Variants in FBXL20 observed in about 807,000 individuals in gnomAD.
The protein encoded by FBXL20 is F-box and leucine rich repeat protein 20.
In FBXL20, 11 loss-of-function variants were observed where a neutral mutation model predicts 64.0. The observed-to-expected ratio is 0.17, with a 90% CI of 0.11 to 0.28. The LOEUF (loss-of-function observed/expected upper bound fraction) is 0.28. Ranked by LOEUF, FBXL20 falls within the 10% of genes least tolerant of loss-of-function variation. The probability of loss-of-function intolerance (pLI) is 1.00; values close to 1 mark genes in which losing one functional copy is unlikely to be tolerated. For missense variants in FBXL20, 303 were observed against 526.2 expected, an observed-to-expected ratio of 0.58 and a Z score of 4.15; for synonymous variants, 184 against 189.0, an observed-to-expected ratio of 0.97 and a Z score of 0.22.
chr17:39,312,785 C>T (rs2047247573), intron 2 of FBXL20, among the ~76,000 whole-genome samples: 1 of 150,008 alleles, frequency 6.7e-6, no homozygotes, highest in Admixed American at 6.7e-5. Flanking sequence ...AATGTGTTAG[C>T]CAGGATGGTC....
At chr17:39,303,544 TGAA>T (rs779923073) in intron 3 of FBXL20, 38 bp downstream of exon 3, 23 of 1,558,916 alleles carry the variant, frequency 1.5e-5, no homozygotes, top group Admixed American at 9.4e-5. Context: ...ATCATCAGTA[TGAA>T]GAAGGGGTCC....
Position 39,348,189 on chromosome 17 carries a change from G to A in FBXL20, c.43-4948C>T, listed in dbSNP as rs148718303. Among the ~76,000 whole-genome samples the A allele has an allele frequency of 5.9e-3, 898 of 151,886 alleles. 6 individuals carry two copies. The highest frequency in any genetic ancestry group is 8.5e-3 in the Admixed American group (130 of 15,252). ...ACAAAAGATGATGTCTCGGCTGAGC[G>A]CGGTGGCTCACGCCTGTAATCCCAG... is the stretch of plus-strand genomic sequence containing the variant. On this transcript the variant is annotated intron_variant, in intron 1 of 14. Transcript: ENST00000264658.
chr17:39,285,160 G>A (rs958888003), intron 7 of FBXL20, among the ~76,000 whole-genome samples: 4 of 151,794 alleles, frequency 2.6e-5, no homozygotes, highest in Admixed American at 1.3e-4. Flanking sequence ...TGCCTCGGCC[G>A]CCCAAAATGC....
At chr17:39,352,957 G>C (rs1358942018) in intron 1 of FBXL20, among the ~76,000 whole-genome samples, 1 of 152,120 alleles carries the variant, frequency 6.6e-6, no homozygotes, top group Non-Finnish European at 1.5e-5. Flanking sequence ...ACACTTTCAG[G>C]AGAGTACTTA....
chr17:39,265,125 G>T, intron 13 of FBXL20, among the ~76,000 whole-genome samples: 1 of 152,176 alleles, frequency 6.6e-6, no homozygotes, highest in East Asian at 1.9e-4. Context: ...ACATCATTCA[G>T]GTTGGAGTAT....
chr17:39,267,010 T>C (rs1372069662), intron 12 of FBXL20, among the ~76,000 whole-genome samples: 2 of 151,904 alleles, frequency 1.3e-5, no homozygotes, highest in East Asian at 1.9e-4. Flanking sequence ...CCCAGCACTT[T>C]GGGAAGCTGA....
At position 39,401,577 on chromosome 17, in the gene FBXL20, C is replaced by T. The variant is rs2048245687; in HGVS notation, c.-175G>A. 2 of 1,402,780 alleles carry T rather than the reference C, an allele frequency of 1.4e-6. No homozygotes were observed. Among genetic ancestry groups the T allele is most frequent in the Non-Finnish European group, 1.8e-6 (2 of 1,086,564 alleles). The allele number at this position is 1,402,780 out of a possible 1,614,324, so 86.9% of individuals were successfully genotyped here. A position where few individuals can be genotyped will look rare whatever the true frequency, so the allele number is the denominator to read the frequency against. Reference sequence around the variant, plus strand: ...CTCCGGCTAGGCCTCCACCACCTCCCGCGGCGCCGGCGGCCGCAACGACTG... The same window carrying T: ...CTCCGGCTAGGCCTCCACCACCTCCTGCGGCGCCGGCGGCCGCAACGACTG... On this transcript the variant is annotated 5_prime_UTR_variant, in exon 1 of 15. Transcript: ENST00000264658.
At chr17:39,401,964 G>C (rs1428949014), upstream of FBXL20, 1 of 450,298 alleles carries the variant, frequency 2.2e-6, no homozygotes, top group African/African-American at 2.0e-5. Context: ...ACCAGCGAGG[G>C]AGAGTAGAGC....
chr17:39,282,202 A>G (rs1340017392), intron 8 of FBXL20, among the ~76,000 whole-genome samples: 1 of 152,200 alleles, frequency 6.6e-6, no homozygotes, highest in Non-Finnish European at 1.5e-5. Flanking sequence ...CTAACTAATC[A>G]ATTCTTTTTT....
In FBXL20 at chr17:39,387,349, G is replaced by A. The variant is rs189227922; in HGVS notation, c.42+14012C>T. On this transcript the variant is annotated intron_variant, in intron 1 of 14. Coordinates refer to ENST00000264658, the MANE Select transcript of FBXL20 (RefSeq NM_032875.3). ...GGCTGGAGTGCAATGGCGCAATCTC[G>A]GCTTGCTGTAACCTCTGTCTCCCGG... Among the ~76,000 whole-genome samples, 436 of 148,744 alleles carry A rather than the reference G, an allele frequency of 2.9e-3. 2 individuals carry two copies. Among genetic ancestry groups the A allele is most frequent in the Middle Eastern group, 3.5e-3 (1 of 284 alleles).
At chr17:39,381,609 G>C (rs1214749022) in intron 1 of FBXL20, among the ~76,000 whole-genome samples, 1 of 152,054 alleles carries the variant, frequency 6.6e-6, no homozygotes, top group Non-Finnish European at 1.5e-5. Context: ...TGACAACATG[G>C]TGAAACCCCG....
chr17:39,390,810 A>T (rs890264348), intron 1 of FBXL20, among the ~76,000 whole-genome samples: 27 of 152,150 alleles, frequency 1.8e-4, no homozygotes, highest in African/African-American at 6.5e-4. Flanking sequence ...GCACTTTTGG[A>T]GGCCAAGGCA....
chr17:39,279,435 G>T (rs1415913014), intron 9 of FBXL20, among the ~76,000 whole-genome samples: 1 of 151,302 alleles, frequency 6.6e-6, no homozygotes, highest in African/African-American at 2.4e-5. Context: ...GTAGTTGGAG[G>T]TTGCTGTGAG....
At chr17:39,389,681 G>C (rs1820063360) in intron 1 of FBXL20, among the ~76,000 whole-genome samples, 2 of 152,136 alleles carry the variant, frequency 1.3e-5, no homozygotes, top group South Asian at 4.1e-4. Flanking sequence ...AGCCAGGTGT[G>C]GTGGCAGGTG....
chr17:39,274,582 T>C (rs1048383707), intron 10 of FBXL20, among the ~76,000 whole-genome samples: 1 of 152,200 alleles, frequency 6.6e-6, no homozygotes, highest in South Asian at 2.1e-4. Context: ...CTTTTAAATA[T>C]AGTACCCCCT....
At chr17:39,386,263 C>T (rs1457418322) in intron 1 of FBXL20, among the ~76,000 whole-genome samples, 2 of 151,818 alleles carry the variant, frequency 1.3e-5, no homozygotes, top group Non-Finnish European at 2.9e-5. Context: ...GCGGAGATCG[C>T]GCCACTGCAC....
chr17:39,374,827 T>C (rs774654061), intron 1 of FBXL20, among the ~76,000 whole-genome samples: 1 of 152,038 alleles, frequency 6.6e-6, no homozygotes, highest in Non-Finnish European at 1.5e-5. Context: ...CTCTCTCTCT[T>C]GCCAGGCTGG....
chr17:39,285,464 T>G lies in FBXL20; in HGVS notation c.494+14A>C. On this transcript the variant is annotated intron_variant, in intron 7 of 14. Coordinates refer to ENST00000264658, the MANE Select transcript of FBXL20 (RefSeq NM_032875.3). ...TTTTTTGATTACTTGACATGCTTAT[T>G]ATAAGAAATTTACCTCAGAGCTTTT... 2 of 1,538,606 alleles carry G rather than the reference T, an allele frequency of 1.3e-6. No individual in the cohort carries two copies. The highest frequency in any genetic ancestry group is 1.8e-6 in the Non-Finnish European group (2 of 1,138,966).
At position 39,317,676 on chromosome 17, in the gene FBXL20, TGTTTTTTTTTTTG is replaced by T. The variant is rs1567877324; in HGVS notation, c.105-14050_105-14038del. ...TTTAATACATAGGAGAGTTTGACTT[TGTTTTTTTTTTTG>T]TTTTTTTTTTTGTTTTTTTTTTTTT... is the stretch of plus-strand genomic sequence containing the variant. On this transcript the variant is annotated intron_variant, in intron 2 of 14. Transcript: ENST00000264658. Among the ~76,000 whole-genome samples, 203 of 115,424 alleles carry T rather than the reference TGTTTTTTTTTTTG, an allele frequency of 1.8e-3. 1 individual carries two copies. The highest frequency in any genetic ancestry group is 8.9e-3 in the African/African-American group (201 of 22,592). 75.7% of individuals were successfully genotyped at this position (115,424 alleles called of 152,430 possible). A position where few individuals can be genotyped will look rare whatever the true frequency, so the allele number is the denominator to read the frequency against.
Sources: gnomAD v4.1 joint callset for allele counts (sites outside exome capture counted in the v4.1 genomes callset) on GRCh38, gnomAD v4.1.1 for gene constraint, MANE v1.5 for transcripts, NCBI Gene and HGNC (gene_info 2026-07-23, HGNC 2026-07-21) for gene names.